The following CNGB3 variants were observed in gnomAD, a reference collection of about 807,000 sequenced individuals.
CNGB3 encodes cyclic nucleotide gated channel subunit beta 3.
A neutral mutation model predicts 92.8 loss-of-function variants in CNGB3; 86 were observed. The ratio of observed to expected loss-of-function variants is 0.93; its 90% confidence interval spans 0.78 to 1.11. CNGB3 has a LOEUF of 1.11. CNGB3 is among the 50% of genes least tolerant of loss of function. The probability of loss-of-function intolerance (pLI) is 0.00; values close to 1 mark genes in which losing one functional copy is unlikely to be tolerated. For synonymous variants in CNGB3, 333 were observed against 332.7 expected, an observed-to-expected ratio of 1.00 and a Z score of -0.01; for missense variants, 1,026 against 956.8, an observed-to-expected ratio of 1.07 and a Z score of -0.95.
chr8:86,578,130 C>T (rs1452934859), intron 17 of CNGB3, among the ~76,000 whole-genome samples: 1 of 152,000 alleles, frequency 6.6e-6, no homozygotes, highest in Non-Finnish European at 1.5e-5. Flanking sequence ...AGAATGGTCT[C>T]GATCTCCTGC....
chr8:86,736,808 T>C (rs1235988582), intron 2 of CNGB3, among the ~76,000 whole-genome samples: 2 of 151,092 alleles, frequency 1.3e-5, no homozygotes, highest in Non-Finnish European at 2.9e-5. Context: ...TGATTCTTAC[T>C]ATTTATGGAA....
rs745557293 is a variant in CNGB3, at chr8:86,578,854, TA to T, written c.1937del (p.Leu646Ter). 5 of 1,614,106 alleles carry T rather than the reference TA, an allele frequency of 3.1e-6. No individual in the cohort carries two copies. The African/African-American group carries it at 5.3e-5, about 17-fold the overall frequency. ...RILMKKARVL[L>X]KQKAKTAEAT... ...CTTCTGCGGTCTTAGCCTTCTGCTT[TA>T]AAAGCACTCTGTGGGTAAGAGAGAA... On this transcript the variant is annotated frameshift_variant, in exon 17 of 18. Coordinates refer to ENST00000320005, the MANE Select transcript of CNGB3 (RefSeq NM_019098.5). LOFTEE classifies it high-confidence loss of function.
At chr8:86,709,206 T>G (rs1824705675) in intron 3 of CNGB3, among the ~76,000 whole-genome samples, 2 of 152,136 alleles carry the variant, frequency 1.3e-5, no homozygotes, top group South Asian at 4.1e-4. Context: ...CAAGTTTGTT[T>G]GGTTCATTCA....
intron 3 of CNGB3, among the ~76,000 whole-genome samples, chr8:86,717,561 C>CAAAAAAA (rs35692774): frequency 1.7e-5 from 2 of 119,612 alleles, no homozygotes; most frequent in African/African-American, 6.5e-5. Flanking sequence ...GACTCTGTCT[C>CAAAAAAA]AAAAAAAAAA....
intron 3 of CNGB3, among the ~76,000 whole-genome samples, chr8:86,725,672 A>G (rs917674221): frequency 4.6e-5 from 7 of 152,156 alleles, no homozygotes; most frequent in African/African-American, 9.6e-5. Context: ...TGGGTCCTAG[A>G]TAATCACGAT....
At chr8:86,618,912 C>T (rs180696731) in intron 13 of CNGB3, among the ~76,000 whole-genome samples, 2 of 152,218 alleles carry the variant, frequency 1.3e-5, no homozygotes, top group African/African-American at 4.8e-5. Flanking sequence ...CTGTCACTCA[C>T]ACACAAAACA....
At chr8:86,684,430 G>T (rs1824143870) in intron 3 of CNGB3, among the ~76,000 whole-genome samples, 1 of 152,070 alleles carries the variant, frequency 6.6e-6, no homozygotes, top group Non-Finnish European at 1.5e-5. Flanking sequence ...CTGGAAAACA[G>T]TTTGACAGTT....
At chr8:86,652,736 G>A (rs1823430795) in intron 7 of CNGB3, among the ~76,000 whole-genome samples, 2 of 152,002 alleles carry the variant, frequency 1.3e-5, no homozygotes, top group South Asian at 4.1e-4. Context: ...CATGGGTGGA[G>A]CTGTCATTTC....
chr8:86,679,367 T>G (rs1824036159), intron 3 of CNGB3, among the ~76,000 whole-genome samples: 1 of 152,068 alleles, frequency 6.6e-6, no homozygotes, highest in Admixed American at 6.6e-5. Flanking sequence ...TAAATTTTGT[T>G]CCCCCAAAAT....
chr8:86,687,414 A>G (rs1005089792), intron 3 of CNGB3, among the ~76,000 whole-genome samples: 1 of 152,086 alleles, frequency 6.6e-6, no homozygotes, highest in African/African-American at 2.4e-5. Context: ...ACATTATGCT[A>G]AGTGAAAGAA....
chr8:86,659,551 T>C, intron 6 of CNGB3: 1 of 577,828 alleles, frequency 1.7e-6, no homozygotes, highest in Non-Finnish European at 3.3e-6. Context: ...GGTTAACTCT[T>C]TGTTGTATTT....
intron 15 of CNGB3, among the ~76,000 whole-genome samples, chr8:86,586,662 G>A (rs1415056923): frequency 6.6e-6 from 1 of 151,344 alleles, no homozygotes; most frequent in Non-Finnish European, 1.5e-5. Context: ...CAAAGGACAT[G>A]AATTCATCAT....
At chr8:86,736,025 G>A (rs1302022620) in intron 2 of CNGB3, among the ~76,000 whole-genome samples, 1 of 152,028 alleles carries the variant, frequency 6.6e-6, no homozygotes, top group Non-Finnish European at 1.5e-5. Flanking sequence ...GATGCCTAAG[G>A]AAGATGATTA....
In CNGB3 at chr8:86,574,768, C is replaced by T. The variant is rs944452834; in HGVS notation, c.*1036G>A. On this transcript the variant is annotated 3_prime_UTR_variant, in exon 18 of 18. Transcript: ENST00000320005. The stretch of plus-strand genomic sequence containing the variant: ...GTAGCCTCCTCACAGCATGCAACGT[C>T]GGTAATTATGCTAATGCTAGCTAAT... 7.2e-5 allele frequency: 11 copies of T among 152,142 alleles called. No individual in the cohort carries two copies. The highest frequency in any genetic ancestry group is 2.1e-4 in the South Asian group (1 of 4,814). The allele number at this position is 152,142 out of a possible 1,614,324, so 9.4% of individuals were successfully genotyped here.
Position 86,629,007 on chromosome 8 carries a change from G to A in CNGB3, c.1392C>T (p.Ala464=). 6.2e-7 allele frequency: 1 copy of A among 1,614,040 alleles called. No individual in the cohort carries two copies. The highest frequency in any genetic ancestry group is 1.1e-5 in the South Asian group (1 of 91,084). ...TAGGAATGGAGTAATTGTTCATGTAGGCAATGGTGTCATCCATGCAGGCGC... is the reference window on the plus strand; with the variant it reads ...TAGGAATGGAGTAATTGTTCATGTAAGCAATGGTGTCATCCATGCAGGCGC... ...YFRACMDDTI[A]YMNNYSIPKL... is the part of the protein sequence containing the mutation. Residue 464 remains alanine, a synonymous_variant, in exon 12 of 18, where the codon GCC becomes GCT. Coordinates refer to ENST00000320005, the MANE Select transcript of CNGB3 (RefSeq NM_019098.5).
chr8:86,622,931 T>A (rs1011183661), intron 13 of CNGB3, among the ~76,000 whole-genome samples: 1 of 152,174 alleles, frequency 6.6e-6, no homozygotes, highest in Non-Finnish European at 1.5e-5. Context: ...GCACAGGCCA[T>A]AGCTAAGAAA....
intron 3 of CNGB3, among the ~76,000 whole-genome samples, chr8:86,705,984 G>C (rs1462002387): frequency 6.6e-6 from 1 of 152,210 alleles, no homozygotes; most frequent in Non-Finnish European, 1.5e-5. Flanking sequence ...AGGAAGACTT[G>C]TTAACTTCAG....
rs777111588 is a variant in CNGB3, at chr8:86,644,716, G to A, written c.991-30C>T. 3.4e-5 allele frequency: 48 copies of A among 1,406,494 alleles called. No homozygotes were observed. The East Asian group carries it at 9.7e-4, about 29-fold the overall frequency. 87.1% of individuals were successfully genotyped at this position (1,406,494 alleles called of 1,614,324 possible). A position where few individuals can be genotyped will look rare whatever the true frequency, so the allele number is the denominator to read the frequency against. On this transcript the variant is annotated intron_variant, in intron 8 of 17. Transcript: ENST00000320005. ...ATAGAAAAGCAAAAGAAATCCAAAA[G>A]CATGTTAGTCTTAAATATATATATT...
At chr8:86,663,750 A>G (rs1285697796) in intron 6 of CNGB3, among the ~76,000 whole-genome samples, 1 of 152,230 alleles carries the variant, frequency 6.6e-6, no homozygotes, top group African/African-American at 2.4e-5. Flanking sequence ...CAAAGGCTGC[A>G]GCTACTTACT....
Sources: gnomAD v4.1 joint callset for allele counts (sites outside exome capture counted in the v4.1 genomes callset) on GRCh38, gnomAD v4.1.1 for gene constraint, MANE v1.5 for transcripts, NCBI Gene and HGNC (gene_info 2026-07-23, HGNC 2026-07-21) for gene names.